AKAP12: variants seen among roughly 807,000 people sequenced by gnomAD.
AKAP12 encodes A-kinase anchoring protein 12.
Under a neutral mutation model 79.9 loss-of-function variants are expected in AKAP12, and 32 were observed. That is an observed-to-expected ratio of 0.40 (90% CI 0.30 to 0.54). The LOEUF is 0.54. AKAP12 is among the 20% of genes least tolerant of loss of function. AKAP12 has a pLI of 0.48. For synonymous variants in AKAP12, 808 were observed against 857.0 expected (o/e 0.94, Z 1.00); for missense variants, 2,074 against 2,177.0 (o/e 0.95, Z 0.94).
chr6:151,286,943 CTTTT>C (rs979438335), intron 2 of AKAP12, among the ~76,000 whole-genome samples: 1 of 146,036 alleles, frequency 6.8e-6, no homozygotes, highest in Non-Finnish European at 1.5e-5. Flanking sequence ...CTTTTTCTTT[CTTTT>C]TTTTTTTTTG....
intron 2 of AKAP12, among the ~76,000 whole-genome samples, chr6:151,279,707 G>A (rs1776358613): frequency 1.3e-5 from 2 of 151,872 alleles, no homozygotes; most frequent in African/African-American, 4.8e-5. Context: ...AAGCCGGCGA[G>A]GTGGCAGGCG....
intron 3 of AKAP12, among the ~76,000 whole-genome samples, chr6:151,315,958 A>G (rs996940009): frequency 3.3e-5 from 5 of 152,220 alleles, no homozygotes; most frequent in Non-Finnish European, 7.3e-5. Flanking sequence ...GCATGAGGGT[A>G]ACTGCCCCCA....
intron 2 of AKAP12, among the ~76,000 whole-genome samples, chr6:151,297,690 C>T (rs4869724): frequency 0.23 from 35,103 of 151,940 alleles, 4,302 homozygotes; most frequent in East Asian, 0.43. Flanking sequence ...GGTGCAGCCC[C>T]GTGTGAATGT....
Position 151,304,488 on chromosome 6 carries a change from C to CAAAAAA in AKAP12, c.163-1233_163-1228dup, listed in dbSNP as rs1157088954. Among the ~76,000 whole-genome samples, 403 of 45,978 alleles carry CAAAAAA rather than the reference C, an allele frequency of 8.8e-3. 73 individuals carry two copies. The highest frequency in any genetic ancestry group is 0.043 in the Middle Eastern group (2 of 46). The allele number at this position is 45,978 out of a possible 152,430, so 30.2% of individuals were successfully genotyped here. On this transcript the variant is annotated intron_variant, in intron 2 of 4. Transcript: ENST00000402676. ...TGGGTGAAACAGTGACACTCCATCT[C>CAAAAAA]AAAAAAAAAAAAAAAAAAAAAAAAA...
intron 3 of AKAP12, among the ~76,000 whole-genome samples, chr6:151,333,604 A>C (rs745980028): frequency 6.6e-6 from 1 of 151,912 alleles, no homozygotes; most frequent in Non-Finnish European, 1.5e-5. Flanking sequence ...TTAGCTGGGC[A>C]TGGTGGCGGG....
chr6:151,320,415 C>T lies in AKAP12; in HGVS notation c.319+14512C>T, dbSNP rs139878448. 4.5e-3 allele frequency among the ~76,000 whole-genome samples: 689 copies of T among 152,116 alleles called. 4 individuals carry two copies. The highest frequency in any genetic ancestry group is 0.01 in the Admixed American group (160 of 15,266). ...GATTACAGGCATGAGCCACCTCGCC[C>T]GGCCTGTGTCACTACTTTGTGCTGT... is the stretch of plus-strand genomic sequence containing the variant. On this transcript the variant is annotated intron_variant, in intron 3 of 4. Coordinates refer to ENST00000402676, the MANE Select transcript of AKAP12 (RefSeq NM_005100.4).
rs1179516061 is a variant in AKAP12, at chr6:151,353,260, G to A, written c.4869G>A (p.Val1623=). 1.9e-6 allele frequency: 3 copies of A among 1,614,150 alleles called. No homozygotes were observed. The highest frequency in any genetic ancestry group is 3.3e-5 in the Admixed American group (2 of 60,022). ...AAGAGGAGTCAGAGTCAACCGCAGTGGGACAAGCACATTCTGATATTTCCA... is the reference window on the plus strand; with the variant it reads ...AAGAGGAGTCAGAGTCAACCGCAGTAGGACAAGCACATTCTGATATTTCCA... ...SAKEESESTA[V]GQAHSDISKD... The change falls in exon 4 of 5, where the codon GTG becomes GTA. Residue 1623 remains valine (V), a synonymous_variant. Coordinates refer to ENST00000402676, the MANE Select transcript of AKAP12 (RefSeq NM_005100.4).
intron 2 of AKAP12, among the ~76,000 whole-genome samples, chr6:151,252,754 AGAT>A (rs1259908629): frequency 5.3e-5 from 8 of 150,868 alleles, no homozygotes; most frequent in Admixed American, 3.3e-4. Flanking sequence ...AAAAAAAAAA[AGAT>A]GAGAAAACGA....
intron 3 of AKAP12, chr6:151,341,819 C>A (rs1777958802): frequency 7.8e-7 from 1 of 1,284,134 alleles, no homozygotes; most frequent in Non-Finnish European, 1.0e-6. Context: ...CCTTCCTTCC[C>A]GTCCCAGGCT....
At chr6:151,348,381 G>T in intron 3 of AKAP12, 1 of 486,404 alleles carries the variant, frequency 2.1e-6, no homozygotes, top group Non-Finnish European at 4.0e-6. Context: ...GCTCACACTT[G>T]TAATCCCACT....
intron 3 of AKAP12, among the ~76,000 whole-genome samples, chr6:151,307,634 T>G (rs1431121804): frequency 6.6e-6 from 1 of 152,180 alleles, no homozygotes; most frequent in African/African-American, 2.4e-5. Flanking sequence ...AAATTCTTTT[T>G]TAATCTGTGG....
In AKAP12 at chr6:151,351,992, G is replaced by C; in HGVS notation, c.3601G>C (p.Ala1201Pro). 1.2e-6 allele frequency: 2 copies of C among 1,614,088 alleles called. No individual in the cohort carries two copies. Among genetic ancestry groups the C allele is most frequent in the South Asian group, 2.2e-5 (2 of 91,078 alleles). ...IVEIHEENEV[A>P]SGTQSGGTEA... ...GGAAATCCATGAGGAGAATGAGGTC[G>C]CATCTGGTACCCAGTCAGGGGGCAC... The change falls in exon 4 of 5, where the codon GCA (alanine) becomes CCA (proline). Residue 1201 changes from alanine (A) to proline (P), a missense_variant. Ala to Pro is a conservative substitution (Grantham distance 27, BLOSUM62 -1). Around this residue, in one of 3 missense-constraint regions of AKAP12, gnomAD observed 32 missense variants for 60.4 expected, o/e 0.53. Coordinates refer to ENST00000402676, the MANE Select transcript of AKAP12 (RefSeq NM_005100.4). The surrounding 1 kb of genome is among the most constrained non-coding windows in gnomAD (Gnocchi z 4.4).
intron 2 of AKAP12, among the ~76,000 whole-genome samples, chr6:151,297,017 G>C (rs1199049884): frequency 1.8e-5 from 2 of 109,476 alleles, no homozygotes; most frequent in East Asian, 5.8e-4. Flanking sequence ...TGAAATAAAA[G>C]GGTTTTTTTT....
intron 2 of AKAP12, among the ~76,000 whole-genome samples, chr6:151,254,059 T>C (rs1417709319): frequency 6.6e-6 from 1 of 152,144 alleles, no homozygotes; most frequent in Non-Finnish European, 1.5e-5. Context: ...GATTCCTATA[T>C]TGTTAACCTA....
At chr6:151,311,018 A>G (rs2114763736) in intron 3 of AKAP12, among the ~76,000 whole-genome samples, 1 of 152,240 alleles carries the variant, frequency 6.6e-6, no homozygotes, top group South Asian at 2.1e-4. Flanking sequence ...CCCAGGTCAG[A>G]GTGCAGTAGT....
In AKAP12 at chr6:151,351,165, T is replaced by C. The variant is rs1316222700; in HGVS notation, c.2774T>C (p.Val925Ala). ...SASVTEPLEQVEAEAALLTEE... is the reference protein window; with the variant it reads ...SASVTEPLEQAEAEAALLTEE... ...TCAGTGACAGAACCTCTTGAACAAG[T>C]AGAAGCTGAAGCCGCACTGTTAACT... The change falls in exon 4 of 5, where the codon GTA (valine) becomes GCA (alanine). Residue 925 changes from valine (V) to alanine (A), a missense_variant. By Grantham distance (64) the Val-to-Ala change is moderately conservative. Transcript: ENST00000402676. This position sits in a 1 kb window ranked among gnomAD's most constrained non-coding sequence, Gnocchi z 4.4. 3 of 1,613,984 alleles carry C rather than the reference T, an allele frequency of 1.9e-6. No individual in the cohort carries two copies. The Admixed American group carries it at 5.0e-5, about 27-fold the overall frequency.
At chr6:151,325,588 G>C in intron 3 of AKAP12, 1 of 1,344,410 alleles carries the variant, frequency 7.4e-7, no homozygotes, top group Non-Finnish European at 9.6e-7. Context: ...GCAAGGGAGG[G>C]GCCAGCGCCA....
In AKAP12 at chr6:151,349,612, A is replaced by G. The variant is rs944594573; in HGVS notation, c.1221A>G (p.Lys407=). The change falls in exon 4 of 5, where the codon AAA becomes AAG. Residue 407 remains lysine, a synonymous_variant. Transcript: ENST00000402676. ...APLATEVFDE[K]IEVHQEEVVA... is the part of the protein sequence containing the mutation. ...TGGCGACAGAAGTGTTTGATGAGAA[A>G]ATAGAAGTCCACCAAGAAGAGGTTG... 1 of 1,611,116 alleles carries G rather than the reference A, an allele frequency of 6.2e-7. No homozygotes were observed. The highest frequency in any genetic ancestry group is 8.5e-7 in the Non-Finnish European group (1 of 1,179,216).
intron 3 of AKAP12, among the ~76,000 whole-genome samples, chr6:151,342,333 G>A (rs1483045113): frequency 6.6e-6 from 1 of 152,198 alleles, no homozygotes; most frequent in African/African-American, 2.4e-5. Flanking sequence ...CCACACGATC[G>A]CATGTGTTTT....
Sources: allele counts gnomAD v4.1 joint callset (sites outside exome capture counted in the v4.1 genomes callset), GRCh38; gene constraint gnomAD v4.1.1; regional missense constraint gnomAD v4.1.1; non-coding constraint Gnocchi (gnomAD v3.1); transcripts MANE v1.5; gene names NCBI Gene and HGNC (gene_info 2026-07-23, HGNC 2026-07-21).